The following PRRC2B variants were observed in gnomAD, a reference collection of about 807,000 sequenced individuals.
PRRC2B encodes the protein proline rich coiled-coil 2B, also known as protein PRRC2B.
PRRC2B carries 68 observed loss-of-function variants against 242.3 expected under a neutral mutation model. The observed-to-expected ratio is 0.28, with a 90% CI of 0.23 to 0.34. The LOEUF is 0.34. PRRC2B is among the 10% of genes least tolerant of loss of function. PRRC2B has a pLI of 1.00. For missense variants in PRRC2B, 2,835 were observed against 2,954.8 expected (o/e 0.96, Z 0.94); for synonymous variants, 1,228 against 1,173.6 (o/e 1.05, Z -0.95).
rs561914292 is a variant in PRRC2B, at chr9:131,406,285, A to C, written c.-52+12022A>C. Among the ~76,000 whole-genome samples the C allele has an allele frequency of 2.0e-5, 3 of 152,204 alleles. No individual in the cohort carries two copies. The East Asian group carries it at 5.8e-4, about 29-fold the overall frequency. On this transcript the variant is annotated intron_variant, in intron 1 of 31. Coordinates refer to ENST00000683519, the MANE Select transcript of PRRC2B (RefSeq NM_013318.4). Reference sequence around the variant, plus strand: ...AGGGCCTCCCATGGGCAGGTGCATCAGGGCTCTTCTGTACATCTCTCCACA... The same window carrying C: ...AGGGCCTCCCATGGGCAGGTGCATCCGGGCTCTTCTGTACATCTCTCCACA...
At chr9:131,374,058 C>CA (rs533611596) in intron 1 of PRRC2B, among the ~76,000 whole-genome samples, 33,579 of 87,612 alleles carry the variant, frequency 0.38, 5,146 homozygotes, top group Middle Eastern at 0.47. Flanking sequence ...GACTCCGTCT[C>CA]AAAAAAAAAA....
At position 131,474,890 on chromosome 9, in the gene PRRC2B, G is replaced by A. The variant is rs1359108616; in HGVS notation, c.2761G>A (p.Glu921Lys). 29 of 1,594,422 alleles carry A rather than the reference G, an allele frequency of 1.8e-5. No homozygotes were observed. The highest frequency in any genetic ancestry group is 2.7e-5 in the African/African-American group (2 of 74,428). Residue 921 changes from glutamate (E) to lysine (K), a missense_variant, in exon 16 of 32, where the codon GAG becomes AAG. By Grantham distance (56) the Glu-to-Lys change is moderately conservative (BLOSUM62 1). Around this residue, in one of 7 missense-constraint regions of PRRC2B, gnomAD observed 1,536 missense variants for 1,483.1 expected, o/e 1.04. Coordinates refer to ENST00000683519, the MANE Select transcript of PRRC2B (RefSeq NM_013318.4). ...QPSSEPEWTP[E>K]PRSSSSQHPE... ...ATCCTCGGAGCCTGAATGGACTCCC[G>A]AGCCCCGGAGCTCCAGCAGCCAGCA...
At chr9:131,407,063 G>A (rs1837383627) in intron 1 of PRRC2B, among the ~76,000 whole-genome samples, 1 of 152,184 alleles carries the variant, frequency 6.6e-6, no homozygotes, top group Non-Finnish European at 1.5e-5. Context: ...CCTTAGTGTG[G>A]TCTCTTCAGC....
chr9:131,457,034 T>C (rs957777067), intron 10 of PRRC2B, among the ~76,000 whole-genome samples: 1 of 152,266 alleles, frequency 6.6e-6, no homozygotes, highest in Non-Finnish European at 1.5e-5. Context: ...AATATTTGTT[T>C]AGTCAAATCT....
intron 1 of PRRC2B, among the ~76,000 whole-genome samples, chr9:131,413,266 T>G (rs1203578334): frequency 2.0e-5 from 3 of 152,184 alleles, no homozygotes; most frequent in African/African-American, 7.2e-5. Flanking sequence ...TTCGCCTCTT[T>G]TAAAAAGTTC....
chr9:131,422,962 A>G (rs1390219709), intron 1 of PRRC2B, among the ~76,000 whole-genome samples: 1 of 152,130 alleles, frequency 6.6e-6, no homozygotes, highest in South Asian at 2.1e-4. Context: ...AGAATGCTCT[A>G]GCTCCCCGTG....
At chr9:131,437,860 C>T (rs1353929555) in intron 4 of PRRC2B, among the ~76,000 whole-genome samples, 1 of 152,188 alleles carries the variant, frequency 6.6e-6, no homozygotes, top group East Asian at 1.9e-4. Flanking sequence ...GGTGATAGAG[C>T]TGAGAGATCA....
Position 131,447,647 on chromosome 9 carries a change from C to CATT in PRRC2B, c.978-15_978-14insATT. On this transcript the variant is annotated splice_polypyrimidine_tract_variant and intron_variant, in intron 8 of 31. Transcript: ENST00000683519. ...TGTATACTGGACATGATTCCATCAT[C>CATT]TTTTCTTTTATCAGAAAAGAAAACA... 6.3e-7 allele frequency: 1 copy of CATT among 1,575,102 alleles called. No homozygotes were observed. The highest frequency in any genetic ancestry group is 1.1e-5 in the South Asian group (1 of 87,804).
At chr9:131,467,319 AACC>A (rs1943425305) in intron 12 of PRRC2B, among the ~76,000 whole-genome samples, 2 of 152,166 alleles carry the variant, frequency 1.3e-5, no homozygotes, top group African/African-American at 4.8e-5. Flanking sequence ...GACGTCATCT[AACC>A]TCTTGACCCT....
At chr9:131,459,449 A>G (rs1943179288) in intron 11 of PRRC2B, 93 bp downstream of exon 11, 2 of 1,020,346 alleles carry the variant, frequency 2.0e-6, no homozygotes, top group Non-Finnish European at 2.8e-6. Flanking sequence ...TTTCTTTTTC[A>G]TTTTTATATT....
At chr9:131,492,348 G>A in intron 30 of PRRC2B, 88 bp downstream of exon 30, 2 of 1,066,486 alleles carry the variant, frequency 1.9e-6, no homozygotes, top group South Asian at 1.3e-5. Flanking sequence ...CTGGGCCCAG[G>A]GAGAGCCGCC....
chr9:131,465,375 G>A (rs1369826206), intron 12 of PRRC2B, among the ~76,000 whole-genome samples: 1 of 152,150 alleles, frequency 6.6e-6, no homozygotes, highest in Non-Finnish European at 1.5e-5. Flanking sequence ...GTACCCAACA[G>A]GTAGTTTTTC....
At chr9:131,470,701 GCT>G (rs1464739656) in intron 13 of PRRC2B, 85 bp from the exon 14 acceptor site, 1 of 1,141,482 alleles carries the variant, frequency 8.8e-7, no homozygotes, top group Non-Finnish European at 1.3e-6. Context: ...TGTGCTGCCA[GCT>G]GGAAAGCTGG....
intron 1 of PRRC2B, among the ~76,000 whole-genome samples, chr9:131,427,149 C>A (rs1837998420): frequency 6.6e-6 from 1 of 152,202 alleles, no homozygotes; most frequent in Non-Finnish European, 1.5e-5. Context: ...GGATCTGTCC[C>A]TCAGTGATTG....
At position 131,387,882 on chromosome 9, in the gene PRRC2B, T is replaced by C. The variant is rs994210031; in HGVS notation, c.-56+14151T>C. Among the ~76,000 whole-genome samples the C allele has an allele frequency of 4.6e-5, 7 of 150,914 alleles. 1 individual carries two copies. ...TGTTGCAACAGTAATATTTTTGATA[T>C]AGTAGGCTAAATAAAATTCATTATT... On this transcript the variant is annotated intron_variant, in intron 1 of 1. Transcript: ENST00000682525.
In PRRC2B at chr9:131,456,555, C is replaced by T. The variant is rs538096141; in HGVS notation, c.1211+1389C>T. Reference sequence around the variant, plus strand: ...CTGAGGCAGGAGAATGGCATGAACCCGGGAGGCGGAGCTTGCAGTGAGCCG... The same window carrying T: ...CTGAGGCAGGAGAATGGCATGAACCTGGGAGGCGGAGCTTGCAGTGAGCCG... On this transcript the variant is annotated intron_variant, in intron 10 of 31. Coordinates refer to ENST00000683519, the MANE Select transcript of PRRC2B (RefSeq NM_013318.4). Among the ~76,000 whole-genome samples the T allele has an allele frequency of 2.6e-4, 39 of 151,840 alleles. No homozygotes were observed. In the South Asian group the frequency reaches 5.8e-3, roughly 23 times the overall value.
At chr9:131,382,450 A>C (rs1379497517) in intron 1 of PRRC2B, among the ~76,000 whole-genome samples, 1 of 152,102 alleles carries the variant, frequency 6.6e-6, no homozygotes, top group Non-Finnish European at 1.5e-5. Flanking sequence ...TGGTTTGAAG[A>C]GAGGATGCCA....
At chr9:131,456,013 T>TGAGGCAGGAGAATTGCTTGAACCCAG (rs1247848184) in intron 10 of PRRC2B, among the ~76,000 whole-genome samples, 25 of 152,012 alleles carry the variant, frequency 1.6e-4, no homozygotes, top group African/African-American at 6.0e-4. Context: ...CTTGGGTGGC[T>TGAGGCAGGAGAATTGCTTGAACCCAG]GAGGCAGGAG....
intron 1 of PRRC2B, among the ~76,000 whole-genome samples, chr9:131,424,424 C>G (rs965235689): frequency 6.6e-6 from 1 of 151,970 alleles, no homozygotes; most frequent in Non-Finnish European, 1.5e-5. Context: ...TGGTGGCTCA[C>G]GCTTGTAATC....
Sources: gnomAD v4.1 joint callset for allele counts (sites outside exome capture counted in the v4.1 genomes callset) on GRCh38, gnomAD v4.1.1 for gene constraint, gnomAD v4.1.1 regional missense constraint, MANE v1.5 for transcripts, NCBI Gene and HGNC (gene_info 2026-07-23, HGNC 2026-07-21) for gene names.